CARM1: variants seen among roughly 807,000 people sequenced by gnomAD.
The protein encoded by CARM1 is histone-arginine methyltransferase CARM1.
CARM1 carries 14 observed loss-of-function variants against 72.7 expected under a neutral mutation model. The ratio of observed to expected loss-of-function variants is 0.19; its 90% CI spans 0.13 to 0.30. The LOEUF (loss-of-function observed/expected upper bound fraction) is 0.30. CARM1 is among the 10% of genes least tolerant of loss of function. The pLI is 1.00. For synonymous variants in CARM1, 333 were observed against 345.5 expected, an observed-to-expected ratio of 0.96 and a Z score of 0.40; for missense variants, 432 against 833.7, an observed-to-expected ratio of 0.52 and a Z score of 5.93.
chr19:10,882,952 G>A (rs1037517704), intron 1 of CARM1, among the ~76,000 whole-genome samples: 8 of 152,148 alleles, frequency 5.3e-5, no homozygotes, highest in African/African-American at 1.9e-4. Flanking sequence ...AGGTAGGGGA[G>A]AGGCTGGCCT....
intron 1 of CARM1, among the ~76,000 whole-genome samples, chr19:10,901,439 C>G (rs752443967): frequency 6.6e-5 from 10 of 152,136 alleles, no homozygotes; most frequent in Non-Finnish European, 7.4e-5. Context: ...ACCTCAGCCT[C>G]CCGAGTAGCT....
chr19:10,909,250 G>A lies in CARM1; in HGVS notation c.558+43G>A, dbSNP rs746441442. 14 of 1,306,740 alleles carry A rather than the reference G, an allele frequency of 1.1e-5. No individual in the cohort carries two copies. In the African/African-American group the frequency reaches 1.6e-4, roughly 15 times the overall value. 80.9% of individuals were successfully genotyped at this position (1,306,740 alleles called of 1,614,324 possible). On this transcript the variant is annotated intron_variant, in intron 4 of 15. Coordinates refer to ENST00000327064, the MANE Select transcript of CARM1 (RefSeq NM_199141.2). ...GTGCCCACCTCTCTGCTTCTGTCTC[G>A]GTTTTTTTTTTCTTTGCTCATTGAT... is the stretch of plus-strand genomic sequence containing the variant.
chr19:10,914,576 A>C (rs1450740368), intron 6 of CARM1, among the ~76,000 whole-genome samples: 1 of 151,858 alleles, frequency 6.6e-6, no homozygotes, highest in Non-Finnish European at 1.5e-5. Flanking sequence ...TTTTTTTGAG[A>C]CAGAGTTTCA....
intron 1 of CARM1, among the ~76,000 whole-genome samples, chr19:10,875,550 G>A (rs948906257): frequency 1.3e-5 from 2 of 151,486 alleles, no homozygotes; most frequent in African/African-American, 4.9e-5. Context: ...TCAGCCTCCC[G>A]GGTAGCTGGG....
rs1019762191 is a variant in CARM1, at chr19:10,919,664, G to T, written c.1090G>T (p.Glu364Ter). 1 of 1,613,948 alleles carries T rather than the reference G, an allele frequency of 6.2e-7. No homozygotes were observed. The highest frequency in any genetic ancestry group is 8.5e-7 in the Non-Finnish European group (1 of 1,179,790). Residue 364 changes from glutamate (E) to a stop codon, truncating the protein, a stop_gained, in exon 9 of 16, where the codon GAA becomes TAA. Coordinates refer to ENST00000327064, the MANE Select transcript of CARM1 (RefSeq NM_199141.2). LOFTEE classifies it high-confidence loss of function. Reference sequence around the variant, plus strand: ...CACGGTGAACTTCTTAGAAGCCAAAGAAGGAGATTTGCACAGGTACTGGCA... The same window carrying T: ...CACGGTGAACTTCTTAGAAGCCAAATAAGGAGATTTGCACAGGTACTGGCA... ...KYTVNFLEAK[E>*]GDLHRIEIPF...
chr19:10,923,015 T>G lies in CARM1; in HGVS notation c.*1258T>G. The G allele has an allele frequency of 9.5e-6, 3 of 316,106 alleles. No homozygotes were observed. Among genetic ancestry groups the G allele is most frequent in the East Asian group, 7.8e-5 (1 of 12,790 alleles). 19.6% of individuals were successfully genotyped at this position (316,106 alleles called of 1,614,324 possible). A position where few individuals can be genotyped will look rare whatever the true frequency, so the allele number is the denominator to read the frequency against. ...CTGCTCGGCTGCCCCTCGCCCGCCT[T>G]TATATAAATTCTCTGAATCACCTTT... On this transcript the variant is annotated 3_prime_UTR_variant, in exon 16 of 16. Coordinates refer to ENST00000327064, the MANE Select transcript of CARM1 (RefSeq NM_199141.2).
chr19:10,886,866 G>A lies in CARM1; in HGVS notation c.220+14944G>A, dbSNP rs768750276. 8.6e-5 allele frequency among the ~76,000 whole-genome samples: 13 copies of A among 152,006 alleles called. 1 individual carries two copies. Among genetic ancestry groups the A allele is most frequent in the South Asian group, 4.2e-4 (2 of 4,808 alleles). ...AATGGGGTCTCAATATTTTGCCCAC[G>A]CTGGTCTCAAACTCCTGGCTTCAAA... On this transcript the variant is annotated intron_variant, in intron 1 of 15. Transcript: ENST00000327064.
chr19:10,881,108 T>C (rs966153880), intron 1 of CARM1, among the ~76,000 whole-genome samples: 1 of 152,088 alleles, frequency 6.6e-6, no homozygotes, highest in Non-Finnish European at 1.5e-5. Flanking sequence ...TGAGGCTACA[T>C]TGAGCCATAA....
At chr19:10,887,410 G>T (rs2073949840) in intron 1 of CARM1, among the ~76,000 whole-genome samples, 1 of 151,968 alleles carries the variant, frequency 6.6e-6, no homozygotes, top group South Asian at 2.1e-4. Flanking sequence ...ATCACATCTG[G>T]CGAAGCAGCC....
chr19:10,876,324 C>T (rs1459661448), intron 1 of CARM1, among the ~76,000 whole-genome samples: 1 of 152,226 alleles, frequency 6.6e-6, no homozygotes, highest in African/African-American at 2.4e-5. Context: ...CTGCGCCCGG[C>T]CAATAAATAT....
At chr19:10,908,436 C>T (rs770909974) in intron 3 of CARM1, 3 of 347,834 alleles carry the variant, frequency 8.6e-6, no homozygotes, top group Admixed American at 4.2e-5. Context: ...TTACAATGCC[C>T]TGAGCGCTCC....
At position 10,920,466 on chromosome 19, in the gene CARM1, A is replaced by G; in HGVS notation, c.1227A>G (p.Thr409=). 1 of 1,613,394 alleles carries G rather than the reference A, an allele frequency of 6.2e-7. No homozygotes were observed. Among genetic ancestry groups the G allele is most frequent in the Non-Finnish European group, 8.5e-7 (1 of 1,179,486 alleles). ...IMTVWLSTAP[T]EPLTHWYQVR... ...CCGTGTGGCTGTCCACAGCCCCGAC[A>G]GAGCCCCTGACCCACTGGTACCAGG... Residue 409 remains threonine (T), a synonymous_variant, in exon 11 of 16, where the codon ACA becomes ACG. Coordinates refer to ENST00000327064, the MANE Select transcript of CARM1 (RefSeq NM_199141.2). This position sits in a 1 kb window ranked among gnomAD's most constrained non-coding sequence, Gnocchi z 5.3.
In CARM1 at chr19:10,915,938, C is replaced by A. The variant is rs1379390925; in HGVS notation, c.848-469C>A. Among the ~76,000 whole-genome samples the A allele has an allele frequency of 6.6e-6, 1 of 152,224 alleles. No homozygotes were observed. The highest frequency in any genetic ancestry group is 2.1e-4 in the South Asian group (1 of 4,832). ...CCTGTGGTGTGGATTTGGCTTCCCC[C>A]ACCTGGCTCTTGGCCTCAACTGAGG... On this transcript the variant is annotated intron_variant, in intron 6 of 15. Transcript: ENST00000327064. This position sits in a 1 kb window ranked among gnomAD's most constrained non-coding sequence, Gnocchi z 4.6.
At chr19:10,903,452 A>T (rs897759518) in intron 1 of CARM1, among the ~76,000 whole-genome samples, 1 of 152,200 alleles carries the variant, frequency 6.6e-6, no homozygotes, top group Non-Finnish European at 1.5e-5. Context: ...ATACTTCCGC[A>T]TATGTTTTCT....
rs935775403 is a variant in CARM1, at chr19:10,913,776, A to G, written c.670-101A>G. 8.1e-6 allele frequency: 10 copies of G among 1,235,716 alleles called. No homozygotes were observed. The East Asian group carries it at 9.9e-5, about 12-fold the overall frequency. 76.5% of individuals were successfully genotyped at this position (1,235,716 alleles called of 1,614,324 possible). On this transcript the variant is annotated intron_variant, in intron 5 of 15. Transcript: ENST00000327064. ...AGCGAAGCAGGCAGAGGGGCACCCA[A>G]TGCCCATGTGTGGATGGAGGCTGTC...
In CARM1 at chr19:10,922,924, A is replaced by C; in HGVS notation, c.*1167A>C. On this transcript the variant is annotated 3_prime_UTR_variant, in exon 16 of 16. Coordinates refer to ENST00000327064, the MANE Select transcript of CARM1 (RefSeq NM_199141.2). Reference sequence around the variant, plus strand: ...TTGGCTCTCCCTCCTGTTCCAGGGGAGCCATAGGAGGGAAAGCAGGTGGCC... The same window carrying C: ...TTGGCTCTCCCTCCTGTTCCAGGGGCGCCATAGGAGGGAAAGCAGGTGGCC... 1 of 187,770 alleles carries C rather than the reference A, an allele frequency of 5.3e-6. No homozygotes were observed. Among genetic ancestry groups the C allele is most frequent in the Non-Finnish European group, 1.1e-5 (1 of 92,550 alleles). 11.6% of individuals were successfully genotyped at this position (187,770 alleles called of 1,614,324 possible). A position where few individuals can be genotyped will look rare whatever the true frequency, so the allele number is the denominator to read the frequency against.
chr19:10,916,425 T>C lies in CARM1; in HGVS notation c.866T>C (p.Ile289Thr). 6.2e-7 allele frequency: 1 copy of C among 1,613,412 alleles called. No individual in the cohort carries two copies. Among genetic ancestry groups the C allele is most frequent in the Non-Finnish European group, 8.5e-7 (1 of 1,179,542 alleles). ...LKPSGNMFPTIGDVHLAPFTD... is the reference protein window; with the variant it reads ...LKPSGNMFPTTGDVHLAPFTD... ...CTCCCAGGAAACATGTTTCCTACCA[T>C]TGGTGACGTCCACCTTGCACCCTTC... Residue 289 changes from isoleucine (I) to threonine (T), a missense_variant, in exon 7 of 16, where the codon ATT (isoleucine) becomes ACT (threonine). Transcript: ENST00000327064. This position sits in a 1 kb window ranked among gnomAD's most constrained non-coding sequence, Gnocchi z 4.4.
At chr19:10,872,232 A>G (rs1358144317) in intron 1 of CARM1, among the ~76,000 whole-genome samples, 1 of 125,402 alleles carries the variant, frequency 8.0e-6, no homozygotes, top group Non-Finnish European at 1.6e-5. Flanking sequence ...TGGAAGGGGA[A>G]TTTGGAGGAC....
At chr19:10,898,962 T>A (rs2074043496) in intron 1 of CARM1, among the ~76,000 whole-genome samples, 1 of 149,726 alleles carries the variant, frequency 6.7e-6, no homozygotes, top group Non-Finnish European at 1.5e-5. Flanking sequence ...GGGAGAGCCA[T>A]GAGGAATGAT....
Sources: allele counts gnomAD v4.1 joint callset (sites outside exome capture counted in the v4.1 genomes callset), GRCh38; gene constraint gnomAD v4.1.1; non-coding constraint Gnocchi (gnomAD v3.1); transcripts MANE v1.5; gene names NCBI Gene and HGNC (gene_info 2026-07-23, HGNC 2026-07-21).